Variants in ATG9B observed in about 807,000 individuals in gnomAD.
The protein encoded by ATG9B is autophagy related 9B, also known as autophagy-related protein 9B.
Under a neutral mutation model 92.9 loss-of-function variants are expected in ATG9B, and 92 were observed. The observed-to-expected ratio is 0.99, with a 90% CI of 0.84 to 1.18. The LOEUF (loss-of-function observed/expected upper bound fraction) is 1.18. Among genes scored for constraint, ATG9B ranks in the 50% most tolerant of loss-of-function variants. The pLI is 0.00. For synonymous variants in ATG9B, 599 were observed against 551.4 expected, an observed-to-expected ratio of 1.09 and a Z score of -1.21; for missense variants, 1,344 against 1,235.0, an observed-to-expected ratio of 1.09 and a Z score of -1.32.
At chr7:151,013,724 A>ACCTAC, downstream of ATG9B, 2 of 1,600,036 alleles carry the variant, frequency 1.2e-6, no homozygotes, top group Non-Finnish European at 1.7e-6. Flanking sequence ...CGCCCCGCAG[A>ACCTAC]CCTACGTGCA....
chr7:151,022,419 A>G (rs546009821), intron 4 of ATG9B, among the ~76,000 whole-genome samples: 50 of 149,320 alleles, frequency 3.3e-4, no homozygotes, highest in African/African-American at 9.1e-4. Flanking sequence ...TACAGGTGTG[A>G]ACCACTATGC....
At chr7:151,013,672 C>T, downstream of ATG9B, 1 of 1,426,618 alleles carries the variant, frequency 7.0e-7, no homozygotes, top group South Asian at 1.3e-5. Context: ...CCCCGGGCTG[C>T]GCCCCCGCGC....
At chr7:151,015,828 A>C (rs1280429327) in intron 13 of ATG9B, 54 bp downstream of exon 13, 6 of 1,509,618 alleles carry the variant, frequency 4.0e-6, no homozygotes, top group Non-Finnish European at 4.4e-6. Context: ...TCGGACTCCA[A>C]ACCAACTACC....
downstream of ATG9B, chr7:151,015,008 A>C (rs1283787659): frequency 6.6e-6 from 1 of 152,198 alleles, no homozygotes; most frequent in Non-Finnish European, 1.5e-5. Context: ...CCTACACGCC[A>C]CTTGACCCTG....
intron 10 of ATG9B, 36 bp from the exon 11 acceptor site, chr7:151,016,563 C>T (rs1795495435): frequency 1.9e-6 from 3 of 1,541,798 alleles, no homozygotes; most frequent in Non-Finnish European, 2.6e-6. Context: ...AAAGTCATGC[C>T]CTCCTCCCGC....
At chr7:151,016,282 G>C in intron 11 of ATG9B, 47 bp from the exon 12 acceptor site, 4 of 1,475,240 alleles carry the variant, frequency 2.7e-6, no homozygotes, top group Non-Finnish European at 3.6e-6. Flanking sequence ...AAGGAGGGCA[G>C]GGCCAAGCAC....
Position 151,018,555 on chromosome 7 carries a change from A to G in ATG9B, c.1718+65T>C. On this transcript the variant is annotated intron_variant, in intron 6 of 13. Coordinates refer to ENST00000639579, the MANE Select transcript of ATG9B (RefSeq NM_001317056.2). This position sits in a 1 kb window ranked among gnomAD's most constrained non-coding sequence, Gnocchi z 4.7. Reference sequence around the variant, plus strand: ...TGGGAGAGGTAAGGATTCGGGGGGAACCTCACATGGCCCCAGATCAGAGAA... The same window carrying G: ...TGGGAGAGGTAAGGATTCGGGGGGAGCCTCACATGGCCCCAGATCAGAGAA... The G allele has an allele frequency of 6.5e-7, 1 of 1,538,320 alleles. No individual in the cohort carries two copies. Among genetic ancestry groups the G allele is most frequent in the South Asian group, 1.2e-5 (1 of 83,562 alleles).
Position 151,024,434 on chromosome 7 carries a change from C to T in ATG9B, c.-11G>A. 7 of 1,337,834 alleles carry T rather than the reference C, an allele frequency of 5.2e-6. No individual in the cohort carries two copies. The highest frequency in any genetic ancestry group is 5.8e-6 in the Non-Finnish European group (6 of 1,039,290). The allele number at this position is 1,337,834 out of a possible 1,614,324, so 82.9% of individuals were successfully genotyped here. A position where few individuals can be genotyped will look rare whatever the true frequency, so the allele number is the denominator to read the frequency against. On this transcript the variant is annotated 5_prime_UTR_variant, in exon 1 of 14. Transcript: ENST00000639579. Reference sequence around the variant, plus strand: ...CATTCGGCTCACCATCAGGCCACGGCTTCTCCAGAAAGGTTGGAAGGATGG... The same window carrying T: ...CATTCGGCTCACCATCAGGCCACGGTTTCTCCAGAAAGGTTGGAAGGATGG...
chr7:151,020,070 GCACC>G (rs1426352346), intron 5 of ATG9B: 1 of 152,334 alleles, frequency 6.6e-6, no homozygotes, highest in African/African-American at 2.4e-5. Context: ...CATTTCTAGT[GCACC>G]CACCAACTCT....
At chr7:151,023,599 C>T (rs766037379) in intron 2 of ATG9B, 88 bp downstream of exon 2, 94 of 1,609,316 alleles carry the variant, frequency 5.8e-5, no homozygotes, top group East Asian at 1.8e-4. Flanking sequence ...CCACCCATGA[C>T]GCCCTCACGG....
chr7:151,024,130 TG>T lies in ATG9B; in HGVS notation c.293del (p.Pro98GlnfsTer8), dbSNP rs770350293. The T allele has an allele frequency of 8.8e-6, 14 of 1,590,954 alleles. No individual in the cohort carries two copies. Among genetic ancestry groups the T allele is most frequent in the South Asian group, 2.3e-5 (2 of 86,944 alleles). ...GTGTCATTGCAGGTTGAGCCTGTGT[TG>T]GGGGGGTGGCTGGGATAGGGAGAGC... ...HSALPIPATP[P>X]TQAQPAMTPA... On this transcript the variant is annotated frameshift_variant, in exon 1 of 14. Coordinates refer to ENST00000639579, the MANE Select transcript of ATG9B (RefSeq NM_001317056.2). LOFTEE classifies it high-confidence loss of function.
At position 151,018,427 on chromosome 7, in the gene ATG9B, T is replaced by G; in HGVS notation, c.1739A>C (p.Gln580Pro). ...GAGCTGCGGCGCACGACCCTGGCAC[T>G]GCTCTTCCGGAATGAAAGACCTGAA... ...TVARSFIPEEQCQGRAPQLLL... is the reference protein window; with the variant it reads ...TVARSFIPEEPCQGRAPQLLL... The change falls in exon 7 of 14, where the codon CAG (glutamine) becomes CCG (proline). Residue 580 changes from glutamine to proline, a missense_variant. Transcript: ENST00000639579. This position sits in a 1 kb window ranked among gnomAD's most constrained non-coding sequence, Gnocchi z 4.7. 2 of 1,532,884 alleles carry G rather than the reference T, an allele frequency of 1.3e-6. No homozygotes were observed. Among genetic ancestry groups the G allele is most frequent in the Non-Finnish European group, 1.8e-6 (2 of 1,140,760 alleles). The allele number at this position is 1,532,884 out of a possible 1,614,324, so 95.0% of individuals were successfully genotyped here.
In ATG9B at chr7:151,018,998, A is replaced by G. The variant is rs1291831295; in HGVS notation, c.1340T>C (p.Leu447Pro). 1.3e-6 allele frequency: 2 copies of G among 1,571,432 alleles called. No individual in the cohort carries two copies. The highest frequency in any genetic ancestry group is 1.4e-5 in the African/African-American group (1 of 73,160). Reference sequence around the variant, plus strand: ...GGCCAGCACCAGCGGGCTCAGCGCCAGGTTCAGGGCGGCCAGCAGCAGCAC... The same window carrying G: ...GGCCAGCACCAGCGGGCTCAGCGCCGGGTTCAGGGCGGCCAGCAGCAGCAC... ...RTVLLLAALN[L>P]ALSPLVLAWQ... The change falls in exon 6 of 14, where the codon CTG becomes CCG. Residue 447 changes from leucine to proline, a missense_variant. Physicochemically the swap from Leu to Pro is moderately conservative, Grantham distance 98. Coordinates refer to ENST00000639579, the MANE Select transcript of ATG9B (RefSeq NM_001317056.2). The surrounding 1 kb of genome is among the most constrained non-coding windows in gnomAD (Gnocchi z 4.7).
rs1288287814 is a variant in ATG9B at position 151,018,966 on chromosome 7, C to T, written c.1372G>A (p.Val458Ile). 2 of 1,578,388 alleles carry T rather than the reference C, an allele frequency of 1.3e-6. No individual in the cohort carries two copies. The highest frequency in any genetic ancestry group is 2.4e-5 in the East Asian group (1 of 42,148). The change falls in exon 6 of 14, where the codon GTT becomes ATT. Residue 458 changes from valine (V) to isoleucine (I), a missense_variant. Physicochemically the swap from Val to Ile is conservative, Grantham distance 29 (BLOSUM62 3). Coordinates refer to ENST00000639579, the MANE Select transcript of ATG9B (RefSeq NM_001317056.2). The surrounding 1 kb of genome is among the most constrained non-coding windows in gnomAD (Gnocchi z 4.7). ...ACGTGGCTATAGAAGACGTGCAGAA[C>T]CTGCCAGGCCAGCACCAGCGGGCTC... ...ALSPLVLAWQ[V>I]LHVFYSHVEL...
At chr7:151,012,521 G>T, downstream of ATG9B, 1 of 1,579,058 alleles carries the variant, frequency 6.3e-7, no homozygotes. Flanking sequence ...CACAATCTAG[G>T]GACAGAGGGG....
At chr7:151,014,147 G>A (rs770846565), downstream of ATG9B, 6 of 1,608,492 alleles carry the variant, frequency 3.7e-6, no homozygotes, top group Non-Finnish European at 5.1e-6. Flanking sequence ...GACCCTCCCG[G>A]CTCAGACACC....
At chr7:151,021,522 A>G (rs553638740) in intron 4 of ATG9B, among the ~76,000 whole-genome samples, 193 bp from the exon 5 acceptor site, 21 of 152,286 alleles carry the variant, frequency 1.4e-4, no homozygotes, top group African/African-American at 4.8e-4. Context: ...AACTTTTTCC[A>G]AATAATACTA....
rs1199847224 is a variant in ATG9B at position 151,017,908 on chromosome 7, A to C, written c.2015T>G (p.Phe672Cys). ...GTGGCGCTTCACATCCATAAGGGCAAAGGAACAGATGTCCCCAACCCCAGC... is the reference window on the plus strand; with the variant it reads ...GTGGCGCTTCACATCCATAAGGGCACAGGAACAGATGTCCCCAACCCCAGC... ...DVAGVGDICS[F>C]ALMDVKRHGH... Residue 672 changes from phenylalanine (F) to cysteine (C), a missense_variant, in exon 8 of 14, where the codon TTT (phenylalanine) becomes TGT (cysteine). Coordinates refer to ENST00000639579, the MANE Select transcript of ATG9B (RefSeq NM_001317056.2). 1.9e-6 allele frequency: 3 copies of C among 1,610,458 alleles called. No homozygotes were observed. The African/African-American group carries it at 4.0e-5, about 22-fold the overall frequency.
Position 151,018,959 on chromosome 7 carries a change from T to A in ATG9B, c.1379A>T (p.His460Leu), listed in dbSNP as rs1456749516. The A allele has an allele frequency of 1.9e-6, 3 of 1,576,636 alleles. No individual in the cohort carries two copies. Among genetic ancestry groups the A allele is most frequent in the Middle Eastern group, 3.4e-4 (2 of 5,906 alleles). Residue 460 changes from histidine (H) to leucine (L), a missense_variant, in exon 6 of 14, where the codon CAC becomes CTC. Coordinates refer to ENST00000639579, the MANE Select transcript of ATG9B (RefSeq NM_001317056.2). The surrounding 1 kb of genome is among the most constrained non-coding windows in gnomAD (Gnocchi z 4.7). Reference sequence around the variant, plus strand: ...CAGCTCCACGTGGCTATAGAAGACGTGCAGAACCTGCCAGGCCAGCACCAG... The same window carrying A: ...CAGCTCCACGTGGCTATAGAAGACGAGCAGAACCTGCCAGGCCAGCACCAG... ...SPLVLAWQVL[H>L]VFYSHVELLR...
Sources: allele counts gnomAD v4.1 joint callset (sites outside exome capture counted in the v4.1 genomes callset), GRCh38; gene constraint gnomAD v4.1.1; non-coding constraint Gnocchi (gnomAD v3.1); transcripts MANE v1.5; gene names NCBI Gene and HGNC (gene_info 2026-07-23, HGNC 2026-07-21).